Variants in NABP2 observed in about 807,000 individuals in gnomAD.
NABP2 encodes the protein SOSS complex subunit B1.
In NABP2, 7 loss-of-function variants were observed where a neutral mutation model predicts 22.7. The observed-to-expected ratio is 0.31, with a 90% CI of 0.18 to 0.58. The LOEUF is 0.58. Ranked by LOEUF, NABP2 falls within the 20% of genes least tolerant of loss-of-function variation. NABP2 has a pLI of 0.89. For missense variants in NABP2, 188 were observed against 265.9 expected (o/e 0.71, Z 2.04); for synonymous variants, 107 against 99.2 (o/e 1.08, Z -0.47).
At position 56,229,087 on chromosome 12, in the gene NABP2, T is replaced by TGCCCA; in HGVS notation, c.510_511insGCCCA (p.Pro171AlafsTer64). On this transcript the variant is annotated frameshift_variant, in exon 7 of 7. Transcript: ENST00000267023. LOFTEE classifies it high-confidence loss of function. Reference sequence around the variant, plus strand: ...GTGGTGGCCCACATCCCCCTCATACTCCCTCCCACCCACCCAGCACCCGAA... The same window carrying TGCCCA: ...GTGGTGGCCCACATCCCCCTCATACTGCCCACCCTCCCACCCACCCAGCACCCGAA... The TGCCCA allele has an allele frequency of 1.3e-6, 2 of 1,512,326 alleles. No homozygotes were observed. Among genetic ancestry groups the TGCCCA allele is most frequent in the Non-Finnish European group, 1.8e-6 (2 of 1,101,994 alleles). 93.7% of individuals were successfully genotyped at this position (1,512,326 alleles called of 1,614,324 possible).
At position 56,225,498 on chromosome 12, in the gene NABP2, C is replaced by G; in HGVS notation, c.205C>G (p.Arg69Gly). The G allele has an allele frequency of 6.2e-7, 1 of 1,614,204 alleles. No individual in the cohort carries two copies. Among genetic ancestry groups the G allele is most frequent in the Non-Finnish European group, 8.5e-7 (1 of 1,180,036 alleles). ...GNLIQPGDIIRLTKGYASVFK... is the reference protein window; with the variant it reads ...GNLIQPGDIIGLTKGYASVFK... ...TCTGATCCAGCCTGGGGACATTATC[C>G]GGCTCACCAAAGGGTAAGTCAGCTG... Residue 69 changes from arginine (R) to glycine (G), a missense_variant, in exon 3 of 7, where the codon CGG (arginine) becomes GGG (glycine). Arg to Gly is a moderately radical substitution (Grantham distance 125). Coordinates refer to ENST00000267023, the MANE Select transcript of NABP2 (RefSeq NM_024068.4).
upstream of NABP2, chr12:56,223,810 A>AT (rs1869625385): frequency 1.3e-5 from 2 of 152,076 alleles, no homozygotes; most frequent in South Asian, 2.1e-4. Context: ...GGAATTACAT[A>AT]TTTTTTGTCT....
intron 1 of NABP2, 104 bp from the exon 2 acceptor site, chr12:56,224,730 G>C (rs1361405146): frequency 1.8e-6 from 2 of 1,085,912 alleles, no homozygotes; most frequent in African/African-American, 3.1e-5. Flanking sequence ...TAGAGGGGTT[G>C]AGGCTGCCTG....
At chr12:56,223,041 C>T (rs1190635352), upstream of NABP2, among the ~76,000 whole-genome samples, 1 of 152,124 alleles carries the variant, frequency 6.6e-6, no homozygotes, top group African/African-American at 2.4e-5. Flanking sequence ...TGAGCCCAGG[C>T]TGGCCAACGT....
chr12:56,229,304 T>A lies in NABP2; in HGVS notation c.*91T>A, dbSNP rs546584235. 3.0e-5 allele frequency: 43 copies of A among 1,417,420 alleles called. No individual in the cohort carries two copies. In the African/African-American group the frequency reaches 5.2e-4, roughly 17 times the overall value. 87.8% of individuals were successfully genotyped at this position (1,417,420 alleles called of 1,614,324 possible). A position where few individuals can be genotyped will look rare whatever the true frequency, so the allele number is the denominator to read the frequency against. Reference sequence around the variant, plus strand: ...CCACTGATTGGCTGGTGTAGCAGTATTTTAGCCACTGAACTTCAGTGGAGG... The same window carrying A: ...CCACTGATTGGCTGGTGTAGCAGTAATTTAGCCACTGAACTTCAGTGGAGG... On this transcript the variant is annotated 3_prime_UTR_variant, in exon 7 of 7. Transcript: ENST00000267023.
rs1555230079 is a variant in NABP2 at position 56,225,701 on chromosome 12, T to C, written c.290+6T>C. 1 of 1,614,162 alleles carries C rather than the reference T, an allele frequency of 6.2e-7. No individual in the cohort carries two copies. On this transcript the variant is annotated splice_donor_region_variant and intron_variant, in intron 4 of 6. Coordinates refer to ENST00000267023, the MANE Select transcript of NABP2 (RefSeq NM_024068.4). ...GATCTGCAGAAGATTGGAGAGTAAG[T>C]GCTGTCTTGGGGATTGGGATGAAGA... is the stretch of plus-strand genomic sequence containing the variant.
intron 3 of NABP2, 53 bp downstream of exon 3, chr12:56,225,564 G>C: frequency 6.2e-7 from 1 of 1,614,096 alleles, no homozygotes; most frequent in Non-Finnish European, 8.5e-7. Context: ...ATCAAGAGTG[G>C]GGTTAACAGT....
Position 56,225,448 on chromosome 12 carries a change from T to C in NABP2, c.155T>C (p.Ile52Thr). Residue 52 changes from isoleucine to threonine, a missense_variant, in exon 3 of 7, where the codon ATC (isoleucine) becomes ACC (threonine). Coordinates refer to ENST00000267023, the MANE Select transcript of NABP2 (RefSeq NM_024068.4). ...KVADKTGSINISVWDDVGNLI... is the reference protein window; with the variant it reads ...KVADKTGSINTSVWDDVGNLI... ...GCGGACAAAACAGGCAGCATCAATA[T>C]CTCTGTCTGGGACGATGTTGGCAAT... The C allele has an allele frequency of 6.2e-7, 1 of 1,614,180 alleles. No homozygotes were observed. Among genetic ancestry groups the C allele is most frequent in the Non-Finnish European group, 8.5e-7 (1 of 1,180,040 alleles).
upstream of NABP2, among the ~76,000 whole-genome samples, chr12:56,222,550 C>T (rs940395000): frequency 2.9e-4 from 44 of 152,166 alleles, no homozygotes; most frequent in African/African-American, 1.1e-3. Flanking sequence ...AAATTTCCCT[C>T]TTCCTGAGTT....
rs1340263014 is a variant in NABP2, at chr12:56,229,795, C to T, written c.*582C>T. ...AAATGGCAGTTACCATCTGTTTCTT[C>T]TGTGTGAGACATGGGAGTCTAACTG... On this transcript the variant is annotated 3_prime_UTR_variant, in exon 7 of 7. Transcript: ENST00000267023. The T allele has an allele frequency of 6.4e-6, 1 of 156,496 alleles. No individual in the cohort carries two copies. Among genetic ancestry groups the T allele is most frequent in the Admixed American group, 6.2e-5 (1 of 16,106 alleles). 9.7% of individuals were successfully genotyped at this position (156,496 alleles called of 1,614,324 possible). A position where few individuals can be genotyped will look rare whatever the true frequency, so the allele number is the denominator to read the frequency against.
chr12:56,229,550 C>G lies in NABP2; in HGVS notation c.*337C>G, dbSNP rs920043442. 1.8e-5 allele frequency: 5 copies of G among 276,568 alleles called. No individual in the cohort carries two copies. The highest frequency in any genetic ancestry group is 1.1e-4 in the African/African-American group (5 of 44,998). 17.1% of individuals were successfully genotyped at this position (276,568 alleles called of 1,614,324 possible). A position where few individuals can be genotyped will look rare whatever the true frequency, so the allele number is the denominator to read the frequency against. ...GGGAGTTCAAGACCAGCCTGACCAACATGGAGAAACCCCGTGTCTACTAAA... is the reference window on the plus strand; with the variant it reads ...GGGAGTTCAAGACCAGCCTGACCAAGATGGAGAAACCCCGTGTCTACTAAA... On this transcript the variant is annotated 3_prime_UTR_variant, in exon 7 of 7. Coordinates refer to ENST00000267023, the MANE Select transcript of NABP2 (RefSeq NM_024068.4).
intron 6 of NABP2, among the ~76,000 whole-genome samples, chr12:56,227,351 G>A (rs1869820565): frequency 6.7e-6 from 1 of 149,936 alleles, no homozygotes; most frequent in Admixed American, 6.6e-5. Context: ...ACTCCAGCTT[G>A]CGCGACAGTG....
At position 56,229,087 on chromosome 12, in the gene NABP2, T is replaced by TTGCGCCCCC; in HGVS notation, c.510_511insTGCGCCCCC (p.Thr170_Pro171insCysAlaPro). Reference sequence around the variant, plus strand: ...GTGGTGGCCCACATCCCCCTCATACTCCCTCCCACCCACCCAGCACCCGAA... The same window carrying TTGCGCCCCC: ...GTGGTGGCCCACATCCCCCTCATACTTGCGCCCCCCCCTCCCACCCACCCAGCACCCGAA... On this transcript the variant is annotated inframe_insertion, in exon 7 of 7. Coordinates refer to ENST00000267023, the MANE Select transcript of NABP2 (RefSeq NM_024068.4). 2.0e-6 allele frequency: 3 copies of TTGCGCCCCC among 1,512,338 alleles called. No homozygotes were observed. The highest frequency in any genetic ancestry group is 2.7e-6 in the Non-Finnish European group (3 of 1,102,008). 93.7% of individuals were successfully genotyped at this position (1,512,338 alleles called of 1,614,324 possible).
chr12:56,226,731 A>ACTTTTTTTTTTT (rs1312858255), intron 6 of NABP2, among the ~76,000 whole-genome samples: 1 of 10,634 alleles, frequency 9.4e-5, no homozygotes. Context: ...ATGCCCGGCT[A>ACTTTTTTTTTTT]ATTTTTTTTT....
chr12:56,229,085 A>ACCCCCCCCCCCCC lies in NABP2; in HGVS notation c.509_510insCCCCCCCCCCCCC (p.Ser172ProfsTer33). ...CGGTGGTGGCCCACATCCCCCTCATACTCCCTCCCACCCACCCAGCACCCG... is the reference window on the plus strand; with the variant it reads ...CGGTGGTGGCCCACATCCCCCTCATACCCCCCCCCCCCCCTCCCTCCCACCCACCCAGCACCCG... On this transcript the variant is annotated frameshift_variant, in exon 7 of 7. Coordinates refer to ENST00000267023, the MANE Select transcript of NABP2 (RefSeq NM_024068.4). LOFTEE classifies it high-confidence loss of function. 6.3e-7 allele frequency: 1 copy of ACCCCCCCCCCCCC among 1,587,622 alleles called. No homozygotes were observed. Among genetic ancestry groups the ACCCCCCCCCCCCC allele is most frequent in the Non-Finnish European group, 8.6e-7 (1 of 1,161,578 alleles).
intron 6 of NABP2, among the ~76,000 whole-genome samples, chr12:56,228,780 G>C (rs1461897058): frequency 6.6e-6 from 1 of 152,092 alleles, no homozygotes; most frequent in Non-Finnish European, 1.5e-5. Flanking sequence ...AACTACAAGA[G>C]AAAAATACCG....
chr12:56,229,087 T>TGCCCCCCC lies in NABP2; in HGVS notation c.510_511insGCCCCCCC (p.Pro171AlafsTer65). On this transcript the variant is annotated frameshift_variant, in exon 7 of 7. Coordinates refer to ENST00000267023, the MANE Select transcript of NABP2 (RefSeq NM_024068.4). LOFTEE classifies it high-confidence loss of function. ...GTGGTGGCCCACATCCCCCTCATAC[T>TGCCCCCCC]CCCTCCCACCCACCCAGCACCCGAA... 1.1e-5 allele frequency: 17 copies of TGCCCCCCC among 1,512,296 alleles called. No individual in the cohort carries two copies. Among genetic ancestry groups the TGCCCCCCC allele is most frequent in the Non-Finnish European group, 1.5e-5 (16 of 1,101,966 alleles). 93.7% of individuals were successfully genotyped at this position (1,512,296 alleles called of 1,614,324 possible).
intron 2 of NABP2, 44 bp downstream of exon 2, chr12:56,224,979 G>T: frequency 7.5e-7 from 1 of 1,334,534 alleles, no homozygotes; most frequent in East Asian, 2.3e-5. Context: ...GGGGTCGGGG[G>T]CAGGAGGGGA....
chr12:56,228,146 C>T (rs1224195720), intron 6 of NABP2, among the ~76,000 whole-genome samples: 1 of 151,986 alleles, frequency 6.6e-6, no homozygotes. Flanking sequence ...GAGCTGGGAT[C>T]GCTCCATTGC....
Sources: allele counts gnomAD v4.1 joint callset (sites outside exome capture counted in the v4.1 genomes callset), GRCh38; gene constraint gnomAD v4.1.1; transcripts MANE v1.5; gene names NCBI Gene and HGNC (gene_info 2026-07-23, HGNC 2026-07-21).